WWC2: variants seen among roughly 807,000 people sequenced by gnomAD.
WWC2 encodes the protein WW and C2 domain containing 2.
Under a neutral mutation model 138.5 loss-of-function variants are expected in WWC2, and 101 were observed. The ratio of observed to expected loss-of-function variants is 0.73; its 90% CI spans 0.62 to 0.86. The LOEUF is 0.86. Among genes scored for constraint, WWC2 ranks in the 40% least tolerant of loss-of-function variants. The pLI, the probability that WWC2 is intolerant of heterozygous loss-of-function variation, is 0.00. For synonymous variants in WWC2, 558 were observed against 538.4 expected (o/e 1.04, Z -0.50); for missense variants, 1,420 against 1,419.4 (o/e 1.00, Z -0.01).
Position 183,248,816 on chromosome 4 carries a change from A to G in WWC2, c.835A>G (p.Arg279Gly). 1 of 1,603,342 alleles carries G rather than the reference A, an allele frequency of 6.2e-7. No homozygotes were observed. Among genetic ancestry groups the G allele is most frequent in the Non-Finnish European group, 8.5e-7 (1 of 1,174,176 alleles). Reference sequence around the variant, plus strand: ...TGTGAACTCTCATTTATGTCTCTCCAGACAGACCCTTGATGCTGGGTCACA... The same window carrying G: ...TGTGAACTCTCATTTATGTCTCTCCGGACAGACCCTTGATGCTGGGTCACA... ...SPVNSHLCLS[R>G]QTLDAGSQTS... The change falls in exon 7 of 23, where the codon AGA (arginine) becomes GGA (glycine). Residue 279 changes from arginine (R) to glycine (G), a missense_variant. Transcript: ENST00000403733.
At chr4:183,127,657 AAG>A (rs1400007087) in intron 1 of WWC2, among the ~76,000 whole-genome samples, 1 of 152,164 alleles carries the variant, frequency 6.6e-6, no homozygotes, top group African/African-American at 2.4e-5. Flanking sequence ...CCCCACCAAA[AAG>A]GGGGGAATAA....
chr4:183,127,990 T>C (rs1337257042), intron 1 of WWC2, among the ~76,000 whole-genome samples: 1 of 151,662 alleles, frequency 6.6e-6, no homozygotes, highest in East Asian at 1.9e-4. Context: ...GTATAGGGTC[T>C]TGGGACTAGG....
At chr4:183,216,870 A>G (rs1456379822) in intron 4 of WWC2, among the ~76,000 whole-genome samples, 9 of 152,194 alleles carry the variant, frequency 5.9e-5, no homozygotes, top group African/African-American at 1.7e-4. Flanking sequence ...CTGAATACTG[A>G]TTGAGTAGCC....
rs1381178876 is a variant in WWC2, at chr4:183,215,814, C to T, written c.522+6789C>T. On this transcript the variant is annotated intron_variant, in intron 4 of 22. Transcript: ENST00000403733. ...AGCTACCATGTCAATCTATATACAT[C>T]CTAATTCTTAAATGCCCTTATATCC... Among the ~76,000 whole-genome samples, 7 of 152,222 alleles carry T rather than the reference C, an allele frequency of 4.6e-5. No homozygotes were observed. In the East Asian group the frequency reaches 1.4e-3, roughly 29 times the overall value.
chr4:183,287,601 T>C (rs1348296310), intron 20 of WWC2, among the ~76,000 whole-genome samples: 1 of 152,222 alleles, frequency 6.6e-6, no homozygotes. Flanking sequence ...TAGACAGATA[T>C]GGTTTGATAG....
At chr4:183,213,801 A>T (rs1472091763) in intron 4 of WWC2, among the ~76,000 whole-genome samples, 1 of 152,180 alleles carries the variant, frequency 6.6e-6, no homozygotes, top group African/African-American at 2.4e-5. Context: ...TTTTTTAAGG[A>T]AGAAGAATAT....
intron 1 of WWC2, among the ~76,000 whole-genome samples, chr4:183,166,206 G>C (rs1237051430): frequency 6.6e-6 from 1 of 151,954 alleles, no homozygotes; most frequent in African/African-American, 2.4e-5. Flanking sequence ...GATACTGAAA[G>C]CTTTTTTTTT....
At chr4:183,312,265 G>C (rs1739276028) in intron 21 of WWC2, 76 bp from the exon 22 acceptor site, 1 of 1,572,144 alleles carries the variant, frequency 6.4e-7, no homozygotes, top group Non-Finnish European at 8.6e-7. Flanking sequence ...CACAATCTTT[G>C]AAGCTTCATA....
At position 183,269,008 on chromosome 4, in the gene WWC2, G is replaced by A; in HGVS notation, c.2245G>A (p.Val749Ile). 1 of 1,613,718 alleles carries A rather than the reference G, an allele frequency of 6.2e-7. No individual in the cohort carries two copies. Among genetic ancestry groups the A allele is most frequent in the Non-Finnish European group, 8.5e-7 (1 of 1,179,852 alleles). ...RVAVLPSSTD[V>I]SCLFRTKVHP... is the part of the protein sequence containing the mutation. ...TGCCGTTCTTCCTTCCTCAACTGAT[G>A]TCAGCTGTCTGTTTCGCACAAAAGT... Residue 749 changes from valine to isoleucine, a missense_variant, in exon 15 of 23, where the codon GTC (valine) becomes ATC (isoleucine). Val to Ile is a conservative substitution (Grantham distance 29, BLOSUM62 3). Transcript: ENST00000403733.
At chr4:183,215,071 T>A (rs534346954) in intron 4 of WWC2, among the ~76,000 whole-genome samples, 1 of 152,336 alleles carries the variant, frequency 6.6e-6, no homozygotes, top group African/African-American at 2.4e-5. Context: ...CCCCAGTGGA[T>A]GCCTGAAGCC....
At chr4:183,280,981 C>G (rs544790798) in intron 17 of WWC2, 84 bp downstream of exon 17, 3 of 1,467,172 alleles carry the variant, frequency 2.0e-6, no homozygotes, top group East Asian at 5.1e-5. Flanking sequence ...TAGGCTCATG[C>G]TTTATTCCAG....
intron 5 of WWC2, among the ~76,000 whole-genome samples, chr4:183,243,737 CTGTGTGTGTGTGTGTGTGTGTG>C (rs56654737): frequency 9.6e-4 from 125 of 129,994 alleles, no homozygotes; most frequent in African/African-American, 3.0e-3. Flanking sequence ...ATTCTAAACA[CTGTGTGTGTGTGTGTGTGTGTG>C]TGTGTGTGTG....
chr4:183,175,675 C>T lies in WWC2; in HGVS notation c.132-17924C>T, dbSNP rs533289202. ...GGACTAGAACAGTTTCTCAAAGCAT[C>T]GTTTTTTGTACTTGATTTTTTGCTT... is the stretch of plus-strand genomic sequence containing the variant. On this transcript the variant is annotated intron_variant, in intron 1 of 22. Coordinates refer to ENST00000403733, the MANE Select transcript of WWC2 (RefSeq NM_024949.6). 8.5e-5 allele frequency among the ~76,000 whole-genome samples: 13 copies of T among 152,272 alleles called. No individual in the cohort carries two copies. The East Asian group carries it at 2.3e-3, about 27-fold the overall frequency.
At chr4:183,241,112 T>C (rs1263785909) in intron 5 of WWC2, among the ~76,000 whole-genome samples, 1 of 152,202 alleles carries the variant, frequency 6.6e-6, no homozygotes, top group African/African-American at 2.4e-5. Flanking sequence ...TCCCTCCTGC[T>C]TGGTGCCTCC....
At chr4:183,161,076 T>C (rs1056267691) in intron 1 of WWC2, among the ~76,000 whole-genome samples, 3 of 152,128 alleles carry the variant, frequency 2.0e-5, no homozygotes, top group Non-Finnish European at 4.4e-5. Context: ...CAGCCAGTCA[T>C]TTGGCATGCA....
chr4:183,297,350 G>A (rs1264051702), intron 21 of WWC2, among the ~76,000 whole-genome samples: 1 of 151,984 alleles, frequency 6.6e-6, no homozygotes, highest in African/African-American at 2.4e-5. Context: ...CCAAGATAAT[G>A]AGGGAAAGAA....
At chr4:183,280,582 T>A (rs144023132) in intron 16 of WWC2, among the ~76,000 whole-genome samples, 194 bp from the exon 17 acceptor site, 95 of 152,274 alleles carry the variant, frequency 6.2e-4, no homozygotes, top group African/African-American at 2.1e-3. Context: ...ATTGCCTTTG[T>A]TGCTCTTCAT....
chr4:183,320,040 A>G lies in WWC2; in HGVS notation c.*4311A>G, dbSNP rs1739590186. On this transcript the variant is annotated 3_prime_UTR_variant, in exon 23 of 23. Coordinates refer to ENST00000403733, the MANE Select transcript of WWC2 (RefSeq NM_024949.6). ...GTCAAAGTCCTTGCATTGCATCCCC[A>G]CTTCCTCTTGGATGACACAGGTTTG... The G allele has an allele frequency of 5.0e-6, 8 of 1,613,962 alleles. No homozygotes were observed. Among genetic ancestry groups the G allele is most frequent in the Non-Finnish European group, 6.8e-6 (8 of 1,179,964 alleles).
chr4:183,176,619 C>T (rs1421234175), intron 1 of WWC2, among the ~76,000 whole-genome samples: 1 of 152,074 alleles, frequency 6.6e-6, no homozygotes, highest in Non-Finnish European at 1.5e-5. Context: ...GATGGGGTTT[C>T]ACCATATTGG....
Sources: allele counts gnomAD v4.1 joint callset (sites outside exome capture counted in the v4.1 genomes callset), GRCh38; gene constraint gnomAD v4.1.1; transcripts MANE v1.5; gene names NCBI Gene and HGNC (gene_info 2026-07-23, HGNC 2026-07-21).